The following GRID1 variants were observed in gnomAD, a reference collection of about 807,000 sequenced individuals.
GRID1 encodes glutamate receptor ionotropic, delta-1.
Under a neutral mutation model 98.0 loss-of-function variants are expected in GRID1, and 28 were observed. The observed-to-expected ratio is 0.29, with a 90% CI of 0.21 to 0.39. GRID1 has a LOEUF of 0.39. Among genes scored for constraint, GRID1 ranks in the 10% least tolerant of loss-of-function variants. GRID1 has a pLI of 1.00. For synonymous variants in GRID1, 553 were observed against 538.5 expected (o/e 1.03, Z -0.37); for missense variants, 1,111 against 1,340.5 (o/e 0.83, Z 2.67).
chr10:85,652,035 G>A (rs1843278228), intron 12 of GRID1, among the ~76,000 whole-genome samples: 1 of 152,176 alleles, frequency 6.6e-6, no homozygotes, highest in African/African-American at 2.4e-5. Flanking sequence ...AAGCATAGCT[G>A]ATACCTTTGA....
At chr10:86,167,416 C>T (rs1345935045) in intron 3 of GRID1, among the ~76,000 whole-genome samples, 1 of 152,170 alleles carries the variant, frequency 6.6e-6, no homozygotes, top group Non-Finnish European at 1.5e-5. Context: ...TGGAAGAGAA[C>T]CAAGCATCTC....
rs12269575 is a variant in GRID1, at chr10:85,688,650, C to T, written c.1997+34353G>A. On this transcript the variant is annotated intron_variant, in intron 12 of 15. Coordinates refer to ENST00000327946, the MANE Select transcript of GRID1 (RefSeq NM_017551.3). Reference sequence around the variant, plus strand: ...GCATTCTGCATCTCTAGATGGCAAACGATGTCCTGTGGGAAACAAGGACAG... The same window carrying T: ...GCATTCTGCATCTCTAGATGGCAAATGATGTCCTGTGGGAAACAAGGACAG... 5.6e-3 allele frequency among the ~76,000 whole-genome samples: 859 copies of T among 152,304 alleles called. 5 individuals carry two copies. The highest frequency in any genetic ancestry group is 0.019 in the African/African-American group (803 of 41,558).
chr10:86,330,252 A>G (rs1848120237), intron 2 of GRID1, among the ~76,000 whole-genome samples: 1 of 151,526 alleles, frequency 6.6e-6, no homozygotes, highest in Non-Finnish European at 1.5e-5. Context: ...CAGTGCGCCA[A>G]TTTCCCTTCC....
At position 86,352,078 on chromosome 10, in the gene GRID1, G is replaced by A. The variant is rs532157495; in HGVS notation, c.235+11863C>T. Among the ~76,000 whole-genome samples, 31 of 152,284 alleles carry A rather than the reference G, an allele frequency of 2.0e-4. No individual in the cohort carries two copies. In the Middle Eastern group the frequency reaches 0.01, roughly 50 times the overall value. ...AGCACTTTAGGAGGCCGAGGCGAGC[G>A]GATCACAAGGTCAGGAGTTAGAGAC... is the stretch of plus-strand genomic sequence containing the variant. On this transcript the variant is annotated intron_variant, in intron 2 of 15. Coordinates refer to ENST00000327946, the MANE Select transcript of GRID1 (RefSeq NM_017551.3).
intron 8 of GRID1, among the ~76,000 whole-genome samples, chr10:85,826,000 A>C (rs1270145267): frequency 2.0e-5 from 3 of 152,210 alleles, no homozygotes; most frequent in Non-Finnish European, 4.4e-5. Context: ...AACCCAAATA[A>C]ATCAGTCACT....
chr10:86,350,909 C>T (rs918400728), intron 2 of GRID1, among the ~76,000 whole-genome samples: 2 of 152,190 alleles, frequency 1.3e-5, no homozygotes, highest in African/African-American at 4.8e-5. Flanking sequence ...CCAGCTGTAA[C>T]TTTGTGTCCC....
At chr10:86,081,194 G>A (rs1051150719) in intron 4 of GRID1, among the ~76,000 whole-genome samples, 1 of 152,176 alleles carries the variant, frequency 6.6e-6, no homozygotes, top group Admixed American at 6.5e-5. Context: ...AGGAGTTCAA[G>A]ACAAGGTTAA....
At chr10:86,309,127 G>C (rs1434873146) in intron 2 of GRID1, among the ~76,000 whole-genome samples, 1 of 152,142 alleles carries the variant, frequency 6.6e-6, no homozygotes, top group Non-Finnish European at 1.5e-5. Context: ...TTAGTACTTA[G>C]GGTTTATAAA....
At chr10:85,648,108 GA>G (rs1171356913) in intron 12 of GRID1, 1 of 152,144 alleles carries the variant, frequency 6.6e-6, no homozygotes, top group Admixed American at 6.5e-5. Flanking sequence ...AAAAGATGAT[GA>G]AAAAAACAAA....
intron 8 of GRID1, among the ~76,000 whole-genome samples, chr10:85,738,574 G>A (rs1022571908): frequency 6.6e-6 from 1 of 152,150 alleles, no homozygotes; most frequent in South Asian, 2.1e-4. Context: ...ATTCATAATA[G>A]CCAAAAAATT....
At chr10:86,174,871 G>A (rs1336456245) in intron 3 of GRID1, among the ~76,000 whole-genome samples, 1 of 152,098 alleles carries the variant, frequency 6.6e-6, no homozygotes, top group African/African-American at 2.4e-5. Context: ...CATTTATGCA[G>A]CCAAAAAACA....
chr10:86,219,147 C>T (rs554046100), intron 2 of GRID1, among the ~76,000 whole-genome samples: 1 of 152,360 alleles, frequency 6.6e-6, no homozygotes, highest in Admixed American at 6.5e-5. Flanking sequence ...TGTGCCGCTC[C>T]CTGGCCTGTC....
At chr10:86,160,542 A>C (rs1248795878) in intron 3 of GRID1, among the ~76,000 whole-genome samples, 2 of 152,220 alleles carry the variant, frequency 1.3e-5, no homozygotes, top group Non-Finnish European at 2.9e-5. Flanking sequence ...AGGAGGCTGA[A>C]TGGCCAGAAG....
At position 86,206,447 on chromosome 10, in the gene GRID1, G is replaced by A. The variant is rs863223382; in HGVS notation, c.437C>T (p.Pro146Leu). Residue 146 changes from proline to leucine, a missense_variant, in exon 3 of 16, where the codon CCC becomes CTC. Around this residue, in one of 3 missense-constraint regions of GRID1, gnomAD observed 346 missense variants for 452.3 expected, o/e 0.76. Coordinates refer to ENST00000327946, the MANE Select transcript of GRID1 (RefSeq NM_017551.3). The surrounding 1 kb of genome is among the most constrained non-coding windows in gnomAD (Gnocchi z 4.1). ...GEAYTLASRP[P>L]VRLNDVMLRL... ...GAGCATGACATCATTGAGGCGGACG[G>A]GTGGTCTCGAAGCCAGTGTGTAGGC... 6.2e-7 allele frequency: 1 copy of A among 1,614,196 alleles called. No individual in the cohort carries two copies. Among genetic ancestry groups the A allele is most frequent in the Non-Finnish European group, 8.5e-7 (1 of 1,180,002 alleles).
intron 4 of GRID1, among the ~76,000 whole-genome samples, chr10:86,038,455 G>A (rs1449813851): frequency 1.3e-5 from 2 of 152,194 alleles, no homozygotes; most frequent in African/African-American, 4.8e-5. Flanking sequence ...GAAGCAAGAG[G>A]TGACTAATGG....
At chr10:85,829,368 A>C (rs944783865) in intron 8 of GRID1, among the ~76,000 whole-genome samples, 1 of 152,194 alleles carries the variant, frequency 6.6e-6, no homozygotes, top group Admixed American at 6.5e-5. Flanking sequence ...AAAAGCTGGA[A>C]GCATTCCGCT....
chr10:86,295,814 G>A (rs2814316), intron 2 of GRID1, among the ~76,000 whole-genome samples: 6,320 of 152,280 alleles, frequency 0.042, 241 homozygotes, highest in Admixed American at 0.11. Context: ...AAAGGACCAG[G>A]AGGAAGACAC....
At chr10:85,773,672 T>C (rs554324477) in intron 8 of GRID1, among the ~76,000 whole-genome samples, 103 of 152,162 alleles carry the variant, frequency 6.8e-4, no homozygotes, top group African/African-American at 2.2e-3. Flanking sequence ...CATTCTTAAA[T>C]ACCAATAACA....
At chr10:86,326,588 A>G (rs577180436) in intron 2 of GRID1, among the ~76,000 whole-genome samples, 52 of 152,362 alleles carry the variant, frequency 3.4e-4, no homozygotes, top group Non-Finnish European at 6.5e-4. Flanking sequence ...TAGAGAGACC[A>G]AAGAGCATCA....
Sources: gnomAD v4.1 joint callset for allele counts (sites outside exome capture counted in the v4.1 genomes callset) on GRCh38, gnomAD v4.1.1 for gene constraint, gnomAD v4.1.1 regional missense constraint, Gnocchi (gnomAD v3.1) non-coding constraint, MANE v1.5 for transcripts, NCBI Gene and HGNC (gene_info 2026-07-23, HGNC 2026-07-21) for gene names.